Variants in LRP1B observed in about 807,000 individuals in gnomAD.
LRP1B encodes low-density lipoprotein receptor-related protein 1B.
A neutral mutation model predicts 556.6 loss-of-function variants in LRP1B; 217 were observed. The observed-to-expected ratio is 0.39, with a 90% CI of 0.35 to 0.44. LRP1B has a LOEUF of 0.44. Ranked by LOEUF, LRP1B falls within the 20% of genes least tolerant of loss-of-function variation. The pLI is 1.00. For synonymous variants in LRP1B, 2,047 were observed against 1,865.8 expected (o/e 1.10, Z -2.50); for missense variants, 5,053 against 5,620.8 (o/e 0.90, Z 3.23).
intron 2 of LRP1B, among the ~76,000 whole-genome samples, chr2:141,732,682 G>T (rs927262758): frequency 2.0e-5 from 3 of 152,086 alleles, no homozygotes; most frequent in African/African-American, 7.2e-5. Context: ...AGAATTTGAA[G>T]AGGAAGGAAG....
chr2:141,869,166 A>G (rs1457549406), intron 1 of LRP1B, among the ~76,000 whole-genome samples: 1 of 152,128 alleles, frequency 6.6e-6, no homozygotes, highest in Non-Finnish European at 1.5e-5. Context: ...AGAATGTGCA[A>G]TGATGAAAAT....
At chr2:141,776,954 C>G (rs560344941) in intron 2 of LRP1B, among the ~76,000 whole-genome samples, 1 of 152,226 alleles carries the variant, frequency 6.6e-6, no homozygotes, top group South Asian at 2.1e-4. Flanking sequence ...AAGAATCTAA[C>G]TACATTGTTT....
At chr2:140,542,961 C>T (rs1680193212) in intron 43 of LRP1B, among the ~76,000 whole-genome samples, 1 of 152,086 alleles carries the variant, frequency 6.6e-6, no homozygotes, top group East Asian at 1.9e-4. Flanking sequence ...AGAAATCATG[C>T]CTGTTAACAC....
chr2:141,668,018 C>A (rs943748940), intron 2 of LRP1B, among the ~76,000 whole-genome samples: 2 of 152,188 alleles, frequency 1.3e-5, no homozygotes, highest in African/African-American at 2.4e-5. Context: ...TATGTCAAGT[C>A]CCTAGTATAG....
Position 141,604,348 on chromosome 2 carries a change from A to T in LRP1B, c.206-123815T>A, listed in dbSNP as rs1278003257. Among the ~76,000 whole-genome samples the T allele has an allele frequency of 2.6e-5, 4 of 152,282 alleles. No individual in the cohort carries two copies. In the East Asian group the frequency reaches 7.7e-4, roughly 29 times the overall value. ...TCTCCTCATGAAGCAAGCTCTGTGT[A>T]CAGAGGACATAATTTAAGATAAGCA... On this transcript the variant is annotated intron_variant, in intron 2 of 90. Coordinates refer to ENST00000389484, the MANE Select transcript of LRP1B (RefSeq NM_018557.3).
At chr2:141,915,233 A>G (rs2104960540) in intron 1 of LRP1B, among the ~76,000 whole-genome samples, 2 of 152,318 alleles carry the variant, frequency 1.3e-5, no homozygotes, top group Middle Eastern at 6.8e-3. Context: ...GTCAACACAA[A>G]TATGCAAAGG....
intron 3 of LRP1B, among the ~76,000 whole-genome samples, chr2:141,459,349 T>A (rs2105038556): frequency 6.6e-6 from 1 of 152,278 alleles, no homozygotes; most frequent in Middle Eastern, 3.4e-3. Context: ...ACAGGGCTTG[T>A]GTCATGTGTA....
chr2:141,213,980 A>G (rs1342543849), intron 6 of LRP1B, among the ~76,000 whole-genome samples: 4 of 152,188 alleles, frequency 2.6e-5, no homozygotes, highest in African/African-American at 9.7e-5. Context: ...CAATGTAAAT[A>G]CTATAAAAAT....
intron 11 of LRP1B, 103 bp downstream of exon 11, chr2:141,048,883 G>T: frequency 1.2e-6 from 1 of 857,284 alleles, no homozygotes; most frequent in Non-Finnish European, 1.9e-6. Flanking sequence ...CCAACCAGAA[G>T]AACTTGAGTT....
chr2:140,890,372 C>T (rs181852886), intron 23 of LRP1B, among the ~76,000 whole-genome samples: 1,702 of 152,088 alleles, frequency 0.011, 16 homozygotes, highest in Non-Finnish European at 0.017. Context: ...ATACATTATT[C>T]CCACTATTTT....
At chr2:140,735,542 T>C (rs1480496864) in intron 35 of LRP1B, among the ~76,000 whole-genome samples, 1 of 152,156 alleles carries the variant, frequency 6.6e-6, no homozygotes, top group African/African-American at 2.4e-5. Context: ...ACCAGGGACC[T>C]GGTTGGAAAA....
chr2:141,420,639 G>T (rs1264745523), intron 3 of LRP1B, among the ~76,000 whole-genome samples: 1 of 152,088 alleles, frequency 6.6e-6, no homozygotes, highest in Non-Finnish European at 1.5e-5. Context: ...ACATATTCTG[G>T]TCACTTGCAC....
At chr2:141,718,175 A>T (rs942423139) in intron 2 of LRP1B, among the ~76,000 whole-genome samples, 1 of 152,192 alleles carries the variant, frequency 6.6e-6, no homozygotes, top group Non-Finnish European at 1.5e-5. Flanking sequence ...TTCAGGGTGA[A>T]AGCAGAAACA....
chr2:141,801,051 T>C (rs556247412), intron 2 of LRP1B, among the ~76,000 whole-genome samples: 12 of 152,160 alleles, frequency 7.9e-5, no homozygotes, highest in Non-Finnish European at 1.6e-4. Context: ...GCAAAAGCCC[T>C]TGTGGAGAAA....
At chr2:140,915,073 C>A (rs1694534770) in intron 21 of LRP1B, among the ~76,000 whole-genome samples, 1 of 151,998 alleles carries the variant, frequency 6.6e-6, no homozygotes, top group African/African-American at 2.4e-5. Context: ...TCCTGGTGAC[C>A]ATCGAAACAG....
chr2:141,484,530 T>C (rs1301346139), intron 2 of LRP1B, among the ~76,000 whole-genome samples: 3 of 152,132 alleles, frequency 2.0e-5, no homozygotes, highest in East Asian at 1.9e-4. Context: ...GGGGATGGCA[T>C]TGAATCTATA....
chr2:141,018,332 T>G (rs1395025418), intron 12 of LRP1B, among the ~76,000 whole-genome samples: 1 of 152,092 alleles, frequency 6.6e-6, no homozygotes. Context: ...ATAATATGTA[T>G]TGCACTTATT....
intron 1 of LRP1B, among the ~76,000 whole-genome samples, chr2:141,811,556 A>AT (rs1696359520): frequency 5.3e-5 from 8 of 152,230 alleles, no homozygotes; most frequent in African/African-American, 1.7e-4. Context: ...CATAAATTTC[A>AT]GTAAATATGC....
chr2:140,725,799 T>A (rs1046822853), intron 35 of LRP1B, among the ~76,000 whole-genome samples: 1 of 152,156 alleles, frequency 6.6e-6, no homozygotes, highest in Non-Finnish European at 1.5e-5. Flanking sequence ...TCACATCATA[T>A]CCTTGACTCC....
Sources: gnomAD v4.1 joint callset for allele counts (sites outside exome capture counted in the v4.1 genomes callset) on GRCh38, gnomAD v4.1.1 for gene constraint, MANE v1.5 for transcripts, NCBI Gene and HGNC (gene_info 2026-07-23, HGNC 2026-07-21) for gene names.